The following CAB39L variants were observed in gnomAD, a reference collection of about 807,000 sequenced individuals.
The protein encoded by CAB39L is calcium-binding protein 39-like.
Under a neutral mutation model 39.1 loss-of-function variants are expected in CAB39L, and 23 were observed. The ratio of observed to expected loss-of-function variants is 0.59; its 90% confidence interval spans 0.42 to 0.83. The LOEUF (loss-of-function observed/expected upper bound fraction) is 0.83, where lower values mean the gene tolerates loss of function less well. CAB39L is among the 40% of genes least tolerant of loss of function. CAB39L has a pLI of 0.00. For missense variants in CAB39L, 366 were observed against 391.9 expected, an observed-to-expected ratio of 0.93 and a Z score of 0.56; for synonymous variants, 126 against 137.2, an observed-to-expected ratio of 0.92 and a Z score of 0.57.
intron 3 of CAB39L, among the ~76,000 whole-genome samples, chr13:49,399,324 T>C (rs1165951462): frequency 6.6e-6 from 1 of 152,086 alleles, no homozygotes. Context: ...GCAATCAACC[T>C]TGAAAGCTCA....
In CAB39L at chr13:49,440,014, C is replaced by A. The variant is rs188055168; in HGVS notation, c.-246+3972G>T. ...CAGATGCATAGTTTGCAAATATTTTCTCCTATTCTGCAGGTTATCTGTTTG... is the reference window on the plus strand; with the variant it reads ...CAGATGCATAGTTTGCAAATATTTTATCCTATTCTGCAGGTTATCTGTTTG... On this transcript the variant is annotated intron_variant, in intron 1 of 10. Transcript: ENST00000409308. Among the ~76,000 whole-genome samples the A allele has an allele frequency of 2.5e-5, 3 of 118,864 alleles. No homozygotes were observed. In the Admixed American group the frequency reaches 3.4e-4, roughly 13 times the overall value. The allele number at this position is 118,864 out of a possible 152,430, so 78.0% of individuals were successfully genotyped here.
At chr13:49,433,636 T>C (rs1049976534) in intron 2 of CAB39L, among the ~76,000 whole-genome samples, 4 of 152,154 alleles carry the variant, frequency 2.6e-5, no homozygotes, top group Admixed American at 1.3e-4. Context: ...AGTGGAAACA[T>C]AAAGCGTTAG....
At chr13:49,387,368 T>C (rs1268870891) in intron 3 of CAB39L, among the ~76,000 whole-genome samples, 1 of 152,208 alleles carries the variant, frequency 6.6e-6, no homozygotes, top group Admixed American at 6.5e-5. Flanking sequence ...TTTAAGAACA[T>C]ACATTCTGTT....
At chr13:49,385,067 G>A (rs1313252195) in intron 3 of CAB39L, among the ~76,000 whole-genome samples, 1 of 152,196 alleles carries the variant, frequency 6.6e-6, no homozygotes, top group Admixed American at 6.5e-5. Context: ...GAAAATCCTA[G>A]ATGGCATCTT....
chr13:49,406,112 G>C, intron 3 of CAB39L, among the ~76,000 whole-genome samples: 1 of 151,386 alleles, frequency 6.6e-6, no homozygotes, highest in East Asian at 1.9e-4. Context: ...GATGACTACA[G>C]TTAGCAATAA....
chr13:49,425,795 G>T (rs573241423), intron 3 of CAB39L, among the ~76,000 whole-genome samples: 1 of 152,132 alleles, frequency 6.6e-6, no homozygotes, highest in African/African-American at 2.4e-5. Context: ...CTGGAAATTC[G>T]TTAAGACTCA....
intron 3 of CAB39L, among the ~76,000 whole-genome samples, chr13:49,410,524 G>C (rs1956970236): frequency 6.6e-6 from 1 of 152,076 alleles, no homozygotes; most frequent in East Asian, 1.9e-4. Context: ...CTTGTAAGCT[G>C]GTGCTCTGAA....
rs56314282 is a variant in CAB39L, at chr13:49,440,715, A to AGTGTGTGT, written c.-246+3263_-246+3270dup. Among the ~76,000 whole-genome samples, 788 of 135,518 alleles carry AGTGTGTGT rather than the reference A, an allele frequency of 5.8e-3. 5 individuals are homozygous for AGTGTGTGT. The highest frequency in any genetic ancestry group is 0.012 in the African/African-American group (437 of 37,348). 88.9% of individuals were successfully genotyped at this position (135,518 alleles called of 152,430 possible). On this transcript the variant is annotated intron_variant, in intron 1 of 10. Transcript: ENST00000409308. ...TCCTTGGTTAGAGGTATTCCTAGGC[A>AGTGTGTGT]GTGTGTGTGTGTGTGTGTGTGTGTG...
In CAB39L at chr13:49,318,911, A is replaced by G. The variant is rs367833373; in HGVS notation, c.835-7918T>C. Among the ~76,000 whole-genome samples the G allele has an allele frequency of 1.5e-4, 23 of 152,124 alleles. 1 individual carries two copies. In the South Asian group the frequency reaches 4.8e-3, roughly 32 times the overall value. On this transcript the variant is annotated intron_variant, in intron 10 of 10. Transcript: ENST00000409308. ...CCCTTAACTGATGAATGGATAAACA[A>G]ATTTGTGGTATACCCATGCAATGGA...
chr13:49,327,539 A>T (rs1954541866), intron 10 of CAB39L, among the ~76,000 whole-genome samples: 1 of 152,186 alleles, frequency 6.6e-6, no homozygotes, highest in Admixed American at 6.5e-5. Context: ...CCTGGCCTCA[A>T]GTGATCCACC....
chr13:49,401,203 G>T (rs927610542), intron 3 of CAB39L: 5 of 152,146 alleles, frequency 3.3e-5, no homozygotes, highest in Admixed American at 6.6e-5. Context: ...GCTGAAGACA[G>T]CTCTTTCTTG....
At chr13:49,383,285 T>A (rs150386446) in intron 3 of CAB39L, among the ~76,000 whole-genome samples, 84 of 152,188 alleles carry the variant, frequency 5.5e-4, no homozygotes, top group Non-Finnish European at 9.0e-4. Context: ...TATTCTATAA[T>A]GTTTAGCTAT....
chr13:49,329,559 AT>A, intron 10 of CAB39L, among the ~76,000 whole-genome samples: 1 of 15,502 alleles, frequency 6.5e-5, no homozygotes. Context: ...ATATATATAT[AT>A]ATATATATAT....
intron 1 of CAB39L, among the ~76,000 whole-genome samples, chr13:49,438,270 CCT>C (rs1957448103): frequency 6.6e-6 from 1 of 152,188 alleles, no homozygotes; most frequent in Non-Finnish European, 1.5e-5. Flanking sequence ...CATTCACCCT[CCT>C]CTTTTCCTCC....
At chr13:49,422,564 C>T (rs1293696288) in intron 3 of CAB39L, among the ~76,000 whole-genome samples, 2 of 151,930 alleles carry the variant, frequency 1.3e-5, no homozygotes, top group Admixed American at 6.6e-5. Context: ...CAGAGCGAGA[C>T]TCTGTCTCAA....
intron 4 of CAB39L, 78 bp downstream of exon 4, chr13:49,382,722 C>G: frequency 1.1e-6 from 1 of 874,594 alleles, no homozygotes; most frequent in Non-Finnish European, 1.9e-6. Flanking sequence ...ATTTTGAATT[C>G]TTCATTAAGC....
At chr13:49,368,006 G>C (rs191559234) in intron 5 of CAB39L, among the ~76,000 whole-genome samples, 200 of 151,482 alleles carry the variant, frequency 1.3e-3, no homozygotes, top group African/African-American at 4.7e-3. Flanking sequence ...TATAAAAAAA[G>C]ATATAGCTGT....
intron 9 of CAB39L, 121 bp downstream of exon 9, chr13:49,339,556 C>T: frequency 9.3e-7 from 1 of 1,080,336 alleles, no homozygotes; most frequent in Non-Finnish European, 1.2e-6. Flanking sequence ...AAATACTTCT[C>T]AAGTTATTTA....
At chr13:49,313,723 GC>G (rs1455926841) in intron 10 of CAB39L, among the ~76,000 whole-genome samples, 1 of 152,180 alleles carries the variant, frequency 6.6e-6, no homozygotes, top group African/African-American at 2.4e-5. Flanking sequence ...GTGTCTCTGA[GC>G]CCTACAGAGC....
Sources: allele counts gnomAD v4.1 joint callset (sites outside exome capture counted in the v4.1 genomes callset), GRCh38; gene constraint gnomAD v4.1.1; transcripts MANE v1.5; gene names NCBI Gene and HGNC (gene_info 2026-07-23, HGNC 2026-07-21).